Variants in COL25A1 observed in about 807,000 individuals in gnomAD.
The protein encoded by COL25A1 is collagen type XXV alpha 1 chain.
COL25A1 carries 103 observed loss-of-function variants against 128.4 expected under a neutral mutation model. The observed-to-expected ratio is 0.80, with a 90% CI of 0.68 to 0.94. The LOEUF is 0.94. Ranked by LOEUF, COL25A1 falls within the 40% of genes least tolerant of loss-of-function variation. The pLI is 0.00. For synonymous variants in COL25A1, 279 were observed against 277.2 expected (o/e 1.01, Z -0.06); for missense variants, 745 against 840.0 (o/e 0.89, Z 1.40).
intron 6 of COL25A1, among the ~76,000 whole-genome samples, chr4:108,985,005 CAGAA>C (rs1753520760): frequency 2.6e-5 from 4 of 152,228 alleles, no homozygotes; most frequent in Admixed American, 2.6e-4. Flanking sequence ...AAGAGATACT[CAGAA>C]GGAATTAAAA....
intron 6 of COL25A1, among the ~76,000 whole-genome samples, chr4:108,993,342 T>C (rs116583344): frequency 0.04 from 6,050 of 152,246 alleles, 387 homozygotes; most frequent in African/African-American, 0.14. Flanking sequence ...TTCATCCATG[T>C]TGTTGCAAAT....
At chr4:108,958,815 T>C (rs1750351225) in intron 8 of COL25A1, among the ~76,000 whole-genome samples, 1 of 152,094 alleles carries the variant, frequency 6.6e-6, no homozygotes. Context: ...GATGTAAAAC[T>C]ACCAAGTTTA....
At chr4:109,256,122 T>TC (rs35464450) in intron 3 of COL25A1, among the ~76,000 whole-genome samples, 26 of 113,348 alleles carry the variant, frequency 2.3e-4, no homozygotes, top group African/African-American at 1.1e-3. Context: ...GTGTGTGTGT[T>TC]TGAGTACAAA....
chr4:109,299,592 G>T (rs544398782), intron 3 of COL25A1, among the ~76,000 whole-genome samples: 1 of 152,158 alleles, frequency 6.6e-6, no homozygotes, highest in East Asian at 1.9e-4. Context: ...AAAAATACAA[G>T]AACTTGCCTT....
At chr4:109,264,431 C>T (rs968629838) in intron 3 of COL25A1, among the ~76,000 whole-genome samples, 1 of 152,122 alleles carries the variant, frequency 6.6e-6, no homozygotes, top group Non-Finnish European at 1.5e-5. Flanking sequence ...GTAGCTGTTA[C>T]CATCAGGCAA....
intron 3 of COL25A1, among the ~76,000 whole-genome samples, chr4:109,062,058 A>T (rs1192066872): frequency 6.6e-6 from 1 of 152,216 alleles, no homozygotes; most frequent in African/African-American, 2.4e-5. Context: ...CCCTTAAGTA[A>T]TAAAGAAAAC....
intron 3 of COL25A1, among the ~76,000 whole-genome samples, chr4:109,054,093 C>G (rs1761232730): frequency 6.6e-6 from 1 of 152,142 alleles, no homozygotes. Context: ...ACTAGGTGTT[C>G]AATAAACATT....
At chr4:108,862,465 C>T (rs1258351946) in intron 22 of COL25A1, 36 bp downstream of exon 22, 1 of 1,532,440 alleles carries the variant, frequency 6.5e-7, no homozygotes, top group Non-Finnish European at 9.0e-7. Flanking sequence ...TCTTGAAGGC[C>T]TCATGTTATA....
In COL25A1 at chr4:109,294,606, G is replaced by T. The variant is rs538624136; in HGVS notation, c.367+5977C>A. On this transcript the variant is annotated intron_variant, in intron 3 of 37. Transcript: ENST00000399132. ...CCATATTGGCAAACCAGGGAGGCTG[G>T]GGATGCATCTATATTTAACCATTGC... Among the ~76,000 whole-genome samples the T allele has an allele frequency of 2.0e-5, 3 of 151,998 alleles. No individual in the cohort carries two copies. In the South Asian group the frequency reaches 6.2e-4, roughly 32 times the overall value.
At chr4:109,108,942 T>G (rs1766722911) in intron 3 of COL25A1, among the ~76,000 whole-genome samples, 1 of 152,182 alleles carries the variant, frequency 6.6e-6, no homozygotes, top group Admixed American at 6.5e-5. Flanking sequence ...TCTGCTTTAT[T>G]GTGGTGGTCT....
intron 3 of COL25A1, among the ~76,000 whole-genome samples, chr4:109,146,805 A>G (rs185204917): frequency 1.3e-5 from 2 of 152,162 alleles, no homozygotes; most frequent in African/African-American, 4.8e-5. Flanking sequence ...CCCATTATTT[A>G]TTTCAATTAA....
intron 31 of COL25A1, among the ~76,000 whole-genome samples, chr4:108,840,600 G>A (rs1041760086): frequency 6.6e-6 from 1 of 152,164 alleles, no homozygotes; most frequent in African/African-American, 2.4e-5. Context: ...CTCCCCAGAG[G>A]AGACAGTGGC....
chr4:109,074,771 A>C (rs1331028103), intron 3 of COL25A1, among the ~76,000 whole-genome samples: 1 of 152,214 alleles, frequency 6.6e-6, no homozygotes, highest in Non-Finnish European at 1.5e-5. Flanking sequence ...AGAAAATCAT[A>C]GATGTTTCAT....
chr4:108,891,742 G>T (rs2125848308), intron 16 of COL25A1, among the ~76,000 whole-genome samples: 1 of 151,596 alleles, frequency 6.6e-6, no homozygotes, highest in East Asian at 1.9e-4. Flanking sequence ...AAAATTGTTG[G>T]CTTATTTCAT....
intron 5 of COL25A1, among the ~76,000 whole-genome samples, chr4:109,020,689 C>T (rs1757656020): frequency 6.6e-6 from 1 of 151,990 alleles, no homozygotes; most frequent in South Asian, 2.1e-4. Flanking sequence ...TTTATTTTTT[C>T]TCTCTTATAA....
At chr4:109,037,665 T>G (rs1759481014) in intron 5 of COL25A1, among the ~76,000 whole-genome samples, 1 of 152,248 alleles carries the variant, frequency 6.6e-6, no homozygotes, top group Non-Finnish European at 1.5e-5. Context: ...AAATAAAATG[T>G]AAGCCTTCCA....
At chr4:108,975,165 T>G (rs934243780) in intron 6 of COL25A1, among the ~76,000 whole-genome samples, 2 of 152,196 alleles carry the variant, frequency 1.3e-5, no homozygotes, top group African/African-American at 4.8e-5. Flanking sequence ...ATTATAAAAA[T>G]ACGCTATGGC....
chr4:109,138,666 TG>T (rs1770052597), intron 3 of COL25A1, among the ~76,000 whole-genome samples: 1 of 151,318 alleles, frequency 6.6e-6, no homozygotes, highest in African/African-American at 2.4e-5. Context: ...CTGACTTTTT[TG>T]GTTGTTGTTG....
In COL25A1 at chr4:109,211,278, ATATATATGAAAC is replaced by A. The variant is rs1418920898; in HGVS notation, c.367+89293_367+89304del. ...TATATATGTATATATATGAAACTATATATATATGAAACTATATATATATATATATATATATAT... is the reference window on the plus strand; with the variant it reads ...TATATATGTATATATATGAAACTATATATATATATATATATATATATATAT... On this transcript the variant is annotated intron_variant, in intron 3 of 37. Coordinates refer to ENST00000399132, the MANE Select transcript of COL25A1 (RefSeq NM_198721.4). 9.7e-4 allele frequency among the ~76,000 whole-genome samples: 125 copies of A among 128,558 alleles called. 1 individual carries two copies. Among genetic ancestry groups the A allele is most frequent in the Non-Finnish European group, 1.8e-3 (111 of 60,770 alleles). 84.3% of individuals were successfully genotyped at this position (128,558 alleles called of 152,430 possible).
Sources: allele counts gnomAD v4.1 joint callset (sites outside exome capture counted in the v4.1 genomes callset), GRCh38; gene constraint gnomAD v4.1.1; transcripts MANE v1.5; gene names NCBI Gene and HGNC (gene_info 2026-07-23, HGNC 2026-07-21).